E2F3: variants seen among roughly 807,000 people sequenced by gnomAD.
E2F3 encodes the protein E2F transcription factor 3.
A neutral mutation model predicts 44.4 loss-of-function variants in E2F3; 11 were observed. The ratio of observed to expected loss-of-function variants is 0.25; its 90% CI spans 0.16 to 0.41. E2F3 has a LOEUF of 0.41. Ranked by LOEUF, E2F3 falls within the 10% of genes least tolerant of loss-of-function variation. The probability of loss-of-function intolerance (pLI) is 1.00; values close to 1 mark genes in which losing one functional copy is unlikely to be tolerated. For missense variants in E2F3, 487 were observed against 583.6 expected (o/e 0.83, Z 1.70); for synonymous variants, 249 against 253.0 (o/e 0.98, Z 0.15).
intron 1 of E2F3, among the ~76,000 whole-genome samples, chr6:20,431,661 G>T (rs964114867): frequency 5.9e-5 from 9 of 151,958 alleles, no homozygotes; most frequent in African/African-American, 2.2e-4. Context: ...CTGTAGCCAT[G>T]ACCTTCTACA....
rs559169760 is a variant in E2F3, at chr6:20,402,363, T to TCGCCGC, written c.144_149dup (p.Ala52_Ala53dup). On this transcript the variant is annotated inframe_insertion, in exon 1 of 7. Transcript: ENST00000346618. This position sits in a 1 kb window ranked among gnomAD's most constrained non-coding sequence, Gnocchi z 5.6. ...AGGGCACTGCTAGCCAGCCCCGGCTTCGCCGCCGCCGCCGCCGCTGCCGCC... is the reference window on the plus strand; with the variant it reads ...AGGGCACTGCTAGCCAGCCCCGGCTTCGCCGCCGCCGCCGCCGCCGCCGCTGCCGCC... 8.5e-4 allele frequency: 1,371 copies of TCGCCGC among 1,605,496 alleles called. 15 individuals are homozygous for TCGCCGC. In the African/African-American group the frequency reaches 0.014, roughly 17 times the overall value.
Position 20,402,664 on chromosome 6 carries a change from G to C in E2F3, c.393+39G>C. ...TCCCCACCGTCCCCAGCCCCGGCGG[G>C]AGGTGGGCTCGCACCGCGCGGGGTC... is the stretch of plus-strand genomic sequence containing the variant. On this transcript the variant is annotated intron_variant, in intron 1 of 6. Coordinates refer to ENST00000346618, the MANE Select transcript of E2F3 (RefSeq NM_001949.5). This position sits in a 1 kb window ranked among gnomAD's most constrained non-coding sequence, Gnocchi z 5.6. 1 of 1,308,154 alleles carries C rather than the reference G, an allele frequency of 7.6e-7. No individual in the cohort carries two copies. Among genetic ancestry groups the C allele is most frequent in the Non-Finnish European group, 9.7e-7 (1 of 1,033,804 alleles). The allele number at this position is 1,308,154 out of a possible 1,614,324, so 81.0% of individuals were successfully genotyped here.
intron 1 of E2F3, among the ~76,000 whole-genome samples, chr6:20,416,670 C>A (rs73731189): frequency 6.6e-6 from 1 of 152,084 alleles, no homozygotes; most frequent in Non-Finnish European, 1.5e-5. Flanking sequence ...AAGTCCCCAA[C>A]GTCATTCCAA....
Position 20,464,644 on chromosome 6 carries a change from G to A in E2F3, c.394-15202G>A, listed in dbSNP as rs147769818. On this transcript the variant is annotated intron_variant, in intron 1 of 6. Coordinates refer to ENST00000346618, the MANE Select transcript of E2F3 (RefSeq NM_001949.5). ...AACCTTGCTGGCTCCCATTTAGCAC[G>A]TCCAATTAATATTGCTCAAAGGGTG... Among the ~76,000 whole-genome samples, 75 of 152,274 alleles carry A rather than the reference G, an allele frequency of 4.9e-4. No individual in the cohort carries two copies. In the South Asian group the frequency reaches 0.01, roughly 21 times the overall value.
At chr6:20,483,235 G>T (rs747854160) in intron 4 of E2F3, among the ~76,000 whole-genome samples, 9 of 152,086 alleles carry the variant, frequency 5.9e-5, no homozygotes, top group South Asian at 2.1e-4. Context: ...GTAGCGTAAG[G>T]CCACACTATT....
At position 20,402,658 on chromosome 6, in the gene E2F3, CGGCGGGAGGTGGGCTCGCA is replaced by C. The variant is rs1759346617; in HGVS notation, c.393+34_393+52del. 2 of 1,309,292 alleles carry C rather than the reference CGGCGGGAGGTGGGCTCGCA, an allele frequency of 1.5e-6. No individual in the cohort carries two copies. The highest frequency in any genetic ancestry group is 1.9e-6 in the Non-Finnish European group (2 of 1,034,716). 81.1% of individuals were successfully genotyped at this position (1,309,292 alleles called of 1,614,324 possible). ...CCTCCCTCCCCACCGTCCCCAGCCC[CGGCGGGAGGTGGGCTCGCA>C]CCGCGCGGGGTCGTGGGCGCGCTGC... On this transcript the variant is annotated intron_variant, in intron 1 of 6. Coordinates refer to ENST00000346618, the MANE Select transcript of E2F3 (RefSeq NM_001949.5). This position sits in a 1 kb window ranked among gnomAD's most constrained non-coding sequence, Gnocchi z 5.6.
chr6:20,431,406 G>T (rs1760395068), intron 1 of E2F3, among the ~76,000 whole-genome samples: 1 of 152,208 alleles, frequency 6.6e-6, no homozygotes, highest in Non-Finnish European at 1.5e-5. Context: ...CGTGAGCTGA[G>T]ATTTGCCTTC....
intron 1 of E2F3, among the ~76,000 whole-genome samples, chr6:20,477,086 TTAGA>T (rs1309431676): frequency 2.0e-5 from 3 of 152,142 alleles, no homozygotes; most frequent in Non-Finnish European, 4.4e-5. Context: ...AGTCAAAAAT[TTAGA>T]TAGATCTTTT....
chr6:20,461,317 C>A (rs1761501038), intron 1 of E2F3, among the ~76,000 whole-genome samples: 1 of 151,998 alleles, frequency 6.6e-6, no homozygotes, highest in Admixed American at 6.6e-5. Flanking sequence ...CATGGTGAAA[C>A]CCCGTTTCTA....
intron 6 of E2F3, among the ~76,000 whole-genome samples, chr6:20,489,518 GCCAACTTTT>G (rs1023084435): frequency 4.5e-4 from 68 of 152,126 alleles, no homozygotes; most frequent in Non-Finnish European, 6.6e-4. Context: ...CTACTAGGAA[GCCAACTTTT>G]CAGTATGTAT....
chr6:20,413,162 T>C (rs906634617), intron 1 of E2F3, among the ~76,000 whole-genome samples: 11 of 152,222 alleles, frequency 7.2e-5, no homozygotes, highest in African/African-American at 2.7e-4. Flanking sequence ...TCTGGCATTG[T>C]ATTAAGTAGT....
intron 1 of E2F3, among the ~76,000 whole-genome samples, chr6:20,457,566 G>C (rs1761353121): frequency 6.6e-6 from 1 of 151,942 alleles, no homozygotes; most frequent in South Asian, 2.1e-4. Context: ...AGGTATATAG[G>C]ATAGACGTAG....
intron 1 of E2F3, among the ~76,000 whole-genome samples, chr6:20,441,725 A>ATT (rs70990031): frequency 2.3e-4 from 27 of 119,330 alleles, no homozygotes; most frequent in Middle Eastern, 4.2e-3. Context: ...CGCGTGGGTA[A>ATT]TTTTTTTTTT....
rs77264383 is a variant in E2F3, at chr6:20,434,732, C to T, written c.393+32107C>T. Among the ~76,000 whole-genome samples the T allele has an allele frequency of 3.8e-3, 586 of 152,316 alleles. 3 individuals are homozygous for T. Among genetic ancestry groups the T allele is most frequent in the African/African-American group, 0.014 (567 of 41,564 alleles). On this transcript the variant is annotated intron_variant, in intron 1 of 6. Transcript: ENST00000346618. ...GGGTCCAGGTAGCTGAATATCCCTT[C>T]CTTGCCCTGACATCCCCATTCACTG...
At chr6:20,446,060 T>C (rs1760933787) in intron 1 of E2F3, among the ~76,000 whole-genome samples, 1 of 152,122 alleles carries the variant, frequency 6.6e-6, no homozygotes, top group Admixed American at 6.5e-5. Flanking sequence ...GGAGGAACCC[T>C]GAGGACCCAG....
At chr6:20,423,202 G>A (rs1022386247) in intron 1 of E2F3, among the ~76,000 whole-genome samples, 3 of 152,162 alleles carry the variant, frequency 2.0e-5, no homozygotes, top group Non-Finnish European at 4.4e-5. Flanking sequence ...TCATTTTGCA[G>A]ACATCATAGA....
chr6:20,408,733 G>A (rs1373109377), intron 1 of E2F3, among the ~76,000 whole-genome samples: 1 of 152,144 alleles, frequency 6.6e-6, no homozygotes, highest in Non-Finnish European at 1.5e-5. Context: ...GTAGAAAGCA[G>A]TGAGAATTGG....
chr6:20,473,895 C>G (rs1761966329), intron 1 of E2F3, among the ~76,000 whole-genome samples: 1 of 152,160 alleles, frequency 6.6e-6, no homozygotes, highest in South Asian at 2.1e-4. Flanking sequence ...TCAGTACTCA[C>G]CTCTGCAACT....
Position 20,491,547 on chromosome 6 carries a change from G to A in E2F3, c.*1117G>A, listed in dbSNP as rs1178280847. ...ATGTAACAGCCCCAAGGAGCAGCAG[G>A]CATGGGTCCCTCCATCCTTGGGCTT... On this transcript the variant is annotated 3_prime_UTR_variant, in exon 7 of 7. Transcript: ENST00000346618. The A allele has an allele frequency of 9.4e-6, 2 of 213,256 alleles. No homozygotes were observed. Among genetic ancestry groups the A allele is most frequent in the African/African-American group, 4.5e-5 (2 of 44,222 alleles). 13.2% of individuals were successfully genotyped at this position (213,256 alleles called of 1,614,324 possible).
Sources: allele counts gnomAD v4.1 joint callset (sites outside exome capture counted in the v4.1 genomes callset), GRCh38; gene constraint gnomAD v4.1.1; non-coding constraint Gnocchi (gnomAD v3.1); transcripts MANE v1.5; gene names NCBI Gene and HGNC (gene_info 2026-07-23, HGNC 2026-07-21).